RALA: variants seen among roughly 807,000 people sequenced by gnomAD.
RALA encodes the protein ras-related protein Ral-A.
RALA carries 5 observed loss-of-function variants against 24.0 expected under a neutral mutation model. That is an observed-to-expected ratio of 0.21 (90% CI 0.11 to 0.44). RALA has a LOEUF of 0.44. Among genes scored for constraint, RALA ranks in the 20% least tolerant of loss-of-function variants. RALA has a pLI of 0.99. For synonymous variants in RALA, 77 were observed against 83.8 expected, an observed-to-expected ratio of 0.92 and a Z score of 0.44; for missense variants, 95 against 241.2, an observed-to-expected ratio of 0.39 and a Z score of 4.01.
intron 1 of RALA, among the ~76,000 whole-genome samples, chr7:39,685,823 G>A (rs190500550): frequency 1.7e-4 from 26 of 152,250 alleles, no homozygotes; most frequent in Admixed American, 1.4e-3. Flanking sequence ...ATAGCAGTAA[G>A]TAAGCATTTC....
intron 1 of RALA, among the ~76,000 whole-genome samples, chr7:39,637,547 A>G (rs1791705168): frequency 6.6e-6 from 1 of 152,176 alleles, no homozygotes; most frequent in South Asian, 2.1e-4. Context: ...ATTATTTTAT[A>G]CTTTTAGTTT....
chr7:39,705,951 C>G (rs563834150), intron 4 of RALA, among the ~76,000 whole-genome samples, 172 bp from the exon 5 acceptor site: 1 of 151,840 alleles, frequency 6.6e-6, no homozygotes, highest in South Asian at 2.1e-4. Context: ...CTCCTTTTTT[C>G]AAGATACTAG....
chr7:39,675,613 T>TGGTGCGTGCCTG (rs1302032626), intron 1 of RALA, among the ~76,000 whole-genome samples: 1 of 151,968 alleles, frequency 6.6e-6, no homozygotes, highest in Non-Finnish European at 1.5e-5. Flanking sequence ...GTAGTCCTAG[T>TGGTGCGTGCCTG]TACTCAGGTG....
intron 3 of RALA, among the ~76,000 whole-genome samples, chr7:39,692,396 G>A (rs1013154559): frequency 6.6e-6 from 1 of 152,086 alleles, no homozygotes; most frequent in South Asian, 2.1e-4. Flanking sequence ...GTAAACATTT[G>A]TCTTGATTCA....
chr7:39,676,164 A>G (rs1792484162), intron 1 of RALA, among the ~76,000 whole-genome samples: 1 of 151,980 alleles, frequency 6.6e-6, no homozygotes, highest in Admixed American at 6.6e-5. Context: ...TTTAGTAGAT[A>G]CGGGGTTCCA....
At chr7:39,629,994 G>C (rs1035405083) in intron 1 of RALA, among the ~76,000 whole-genome samples, 2 of 152,118 alleles carry the variant, frequency 1.3e-5, no homozygotes, top group East Asian at 3.9e-4. Flanking sequence ...CTCCCCAAGT[G>C]CTAGGATTAC....
chr7:39,693,974 A>G, intron 3 of RALA, among the ~76,000 whole-genome samples: 1 of 152,224 alleles, frequency 6.6e-6, no homozygotes, highest in East Asian at 1.9e-4. Context: ...ATGTGTTAGA[A>G]TGTTTGCTAC....
chr7:39,634,794 C>T (rs1173917609), intron 1 of RALA, among the ~76,000 whole-genome samples: 2 of 152,006 alleles, frequency 1.3e-5, no homozygotes, highest in African/African-American at 4.8e-5. Flanking sequence ...TATTTGTTGC[C>T]ATTTGTTGCT....
chr7:39,699,121 A>ATTTTT (rs71560137), intron 4 of RALA, among the ~76,000 whole-genome samples: 1,399 of 61,428 alleles, frequency 0.023, 176 homozygotes, highest in Non-Finnish European at 0.037. Context: ...TAAAAATGTT[A>ATTTTT]TTTTTTTTTT....
intron 1 of RALA, among the ~76,000 whole-genome samples, chr7:39,680,054 C>T (rs1792562122): frequency 2.0e-5 from 3 of 151,854 alleles, no homozygotes; most frequent in Admixed American, 2.0e-4. Flanking sequence ...TTATGTAATA[C>T]TTTAGACCTT....
intron 1 of RALA, among the ~76,000 whole-genome samples, chr7:39,680,035 T>C (rs1030600752): frequency 4.6e-5 from 7 of 152,022 alleles, no homozygotes; most frequent in African/African-American, 1.7e-4. Flanking sequence ...TTCAAACTTA[T>C]GACGGGTTTT....
chr7:39,695,283 A>T (rs1792898332), intron 3 of RALA, among the ~76,000 whole-genome samples: 1 of 152,178 alleles, frequency 6.6e-6, no homozygotes, highest in African/African-American at 2.4e-5. Context: ...TAGCCTATGC[A>T]CATCCTCCCA....
At chr7:39,686,346 A>G (rs1792704438) in intron 1 of RALA, among the ~76,000 whole-genome samples, 1 of 152,238 alleles carries the variant, frequency 6.6e-6, no homozygotes, top group Admixed American at 6.5e-5. Flanking sequence ...TATTGTCAGC[A>G]TGCAGTTGTA....
chr7:39,649,618 A>G (rs561696199), intron 1 of RALA, among the ~76,000 whole-genome samples: 1 of 152,288 alleles, frequency 6.6e-6, no homozygotes, highest in South Asian at 2.1e-4. Flanking sequence ...CTCACCAGAC[A>G]CCGAACCTGC....
chr7:39,656,301 A>G (rs1020269240), intron 1 of RALA, among the ~76,000 whole-genome samples: 4 of 152,194 alleles, frequency 2.6e-5, no homozygotes, highest in Non-Finnish European at 4.4e-5. Context: ...GAATTAAGCA[A>G]ATACAGGTCC....
chr7:39,706,194 G>C lies in RALA; in HGVS notation c.570G>C (p.Lys190Asn), dbSNP rs375520261. The change falls in exon 5 of 5, where the codon AAG becomes AAC. Residue 190 changes from lysine (K) to asparagine (N), a missense_variant. Transcript: ENST00000005257. ...ACAGCAAAGAAAAGAATGGAAAAAA[G>C]AAGAGGAAAAGTTTAGCCAAGAGAA... ...MEDSKEKNGK[K>N]KRKSLAKRIR... is the part of the protein sequence containing the mutation. 1.2e-6 allele frequency: 2 copies of C among 1,609,950 alleles called. No individual in the cohort carries two copies. The highest frequency in any genetic ancestry group is 1.7e-6 in the Non-Finnish European group (2 of 1,179,184).
chr7:39,648,932 G>A (rs768780438), intron 1 of RALA, among the ~76,000 whole-genome samples: 8 of 152,068 alleles, frequency 5.3e-5, no homozygotes, highest in Admixed American at 3.9e-4. Flanking sequence ...GGTGGCATGC[G>A]CCTGTAATCC....
At chr7:39,688,295 A>G (rs1365504001) in intron 2 of RALA, among the ~76,000 whole-genome samples, 1 of 152,152 alleles carries the variant, frequency 6.6e-6, no homozygotes, top group East Asian at 1.9e-4. Context: ...CTAGTTACTT[A>G]GGAGGCTGAG....
At chr7:39,705,551 C>T (rs978397286) in intron 4 of RALA, among the ~76,000 whole-genome samples, 2 of 151,854 alleles carry the variant, frequency 1.3e-5, no homozygotes, top group Admixed American at 6.6e-5. Flanking sequence ...CATTATTTAC[C>T]GGTTCCTAGA....
Sources: gnomAD v4.1 joint callset for allele counts (sites outside exome capture counted in the v4.1 genomes callset) on GRCh38, gnomAD v4.1.1 for gene constraint, MANE v1.5 for transcripts, NCBI Gene and HGNC (gene_info 2026-07-23, HGNC 2026-07-21) for gene names.